CENPU: variants seen among roughly 807,000 people sequenced by gnomAD.
CENPU encodes KSHV latent nuclear antigen interacting protein 1.
Under a neutral mutation model 56.7 loss-of-function variants are expected in CENPU, and 46 were observed. That is an observed-to-expected ratio of 0.81 (90% CI 0.64 to 1.04). The LOEUF is 1.04. Among genes scored for constraint, CENPU ranks in the 50% least tolerant of loss-of-function variants. The probability of loss-of-function intolerance (pLI) is 0.00; values close to 1 mark genes in which losing one functional copy is unlikely to be tolerated. For synonymous variants in CENPU, 166 were observed against 163.0 expected, an observed-to-expected ratio of 1.02 and a Z score of -0.14; for missense variants, 510 against 490.1, an observed-to-expected ratio of 1.04 and a Z score of -0.38.
rs368356572 is a variant in CENPU, at chr4:184,697,894, CG to C, written c.987-92del. On this transcript the variant is annotated intron_variant, in intron 11 of 12. Transcript: ENST00000281453. ...AGTACGCTGAGCGAGTGTGAAGAAC[CG>C]GGGCTGGCCAACTAGATGACTTGCT... 1.0e-3 allele frequency: 915 copies of C among 912,698 alleles called. 2 individuals carry two copies. The highest frequency in any genetic ancestry group is 8.3e-4 in the Non-Finnish European group (516 of 619,808). 56.5% of individuals were successfully genotyped at this position (912,698 alleles called of 1,614,324 possible). A position where few individuals can be genotyped will look rare whatever the true frequency, so the allele number is the denominator to read the frequency against.
At chr4:184,715,393 C>T (rs897338462) in intron 6 of CENPU, among the ~76,000 whole-genome samples, 2 of 145,838 alleles carry the variant, frequency 1.4e-5, no homozygotes, top group Non-Finnish European at 3.0e-5. Flanking sequence ...CTGACTCCAA[C>T]CTCCACCTCC....
intron 5 of CENPU, 49 bp from the exon 6 acceptor site, chr4:184,716,682 T>G: frequency 7.3e-7 from 1 of 1,363,802 alleles, no homozygotes; most frequent in Non-Finnish European, 1.0e-6. Context: ...TAGAAATGCT[T>G]ATAATTCTTA....
Position 184,725,046 on chromosome 4 carries a change from G to T in CENPU, c.231C>A (p.Ser77Arg). Reference protein sequence around the residue: ...TYETFDPPLHSTAIYADEEEF... With the variant: ...TYETFDPPLHRTAIYADEEEF... The stretch of plus-strand genomic sequence containing the variant: ...CTTCTTCATCAGCATATATAGCTGT[G>T]CTATGTAAAGGAGGATCTTTCAAAA... Residue 77 changes from serine to arginine, a missense_variant, in exon 4 of 13, where the codon AGC becomes AGA. Physicochemically the swap from Ser to Arg is moderately radical, Grantham distance 110. Transcript: ENST00000281453. 1 of 1,607,804 alleles carries T rather than the reference G, an allele frequency of 6.2e-7. No homozygotes were observed. The highest frequency in any genetic ancestry group is 8.5e-7 in the Non-Finnish European group (1 of 1,176,672).
intron 12 of CENPU, among the ~76,000 whole-genome samples, chr4:184,696,631 C>T (rs10013685): frequency 0.17 from 25,937 of 151,490 alleles, 2,438 homozygotes; most frequent in African/African-American, 0.24. Flanking sequence ...GTGTCAAAAC[C>T]TTAACATTGA....
intron 2 of CENPU, among the ~76,000 whole-genome samples, chr4:184,730,031 A>G (rs1761584504): frequency 6.6e-6 from 1 of 152,206 alleles, no homozygotes; most frequent in South Asian, 2.1e-4. Context: ...TGGAATGTGG[A>G]GAGAGCTGGC....
At chr4:184,710,839 T>C (rs1209607156) in intron 7 of CENPU, among the ~76,000 whole-genome samples, 1 of 152,186 alleles carries the variant, frequency 6.6e-6, no homozygotes, top group Non-Finnish European at 1.5e-5. Context: ...TTGCAAAGCA[T>C]ACCCTAATTT....
intron 1 of CENPU, among the ~76,000 whole-genome samples, chr4:184,732,842 A>G (rs1761698526): frequency 6.6e-6 from 1 of 152,134 alleles, no homozygotes; most frequent in African/African-American, 2.4e-5. Context: ...TCTTTACTAA[A>G]AATACAAAAA....
chr4:184,732,458 C>A (rs1349987113), intron 1 of CENPU, among the ~76,000 whole-genome samples: 2 of 152,078 alleles, frequency 1.3e-5, no homozygotes. Context: ...GCAGGTAAGA[C>A]AAGTATTGGT....
chr4:184,707,649 C>A (rs1404082751), intron 8 of CENPU, among the ~76,000 whole-genome samples: 1 of 152,186 alleles, frequency 6.6e-6, no homozygotes, highest in Non-Finnish European at 1.5e-5. Flanking sequence ...GCTTACCCCA[C>A]CCCCTGCACT....
intron 1 of CENPU, among the ~76,000 whole-genome samples, chr4:184,731,279 G>A (rs923006553): frequency 5.9e-5 from 9 of 152,184 alleles, no homozygotes; most frequent in African/African-American, 1.9e-4. Context: ...CCCGACACCT[G>A]CTCCATCCGG....
chr4:184,706,138 T>A (rs1430297012), intron 8 of CENPU, among the ~76,000 whole-genome samples: 2 of 148,074 alleles, frequency 1.4e-5, no homozygotes, highest in Non-Finnish European at 3.0e-5. Context: ...AAAATTTACA[T>A]AAGCCCCACT....
chr4:184,707,002 G>C (rs1480786342), intron 8 of CENPU, among the ~76,000 whole-genome samples: 1 of 151,256 alleles, frequency 6.6e-6, no homozygotes, highest in Non-Finnish European at 1.5e-5. Context: ...CTTCCTATAA[G>C]AGATTTGTGA....
chr4:184,722,800 G>T (rs1761325725), intron 4 of CENPU, among the ~76,000 whole-genome samples: 1 of 152,030 alleles, frequency 6.6e-6, no homozygotes, highest in Admixed American at 6.6e-5. Flanking sequence ...TAGAAAATAG[G>T]AAAAAGGATA....
chr4:184,704,965 TAG>T (rs1487165874), intron 8 of CENPU, among the ~76,000 whole-genome samples: 2 of 152,238 alleles, frequency 1.3e-5, no homozygotes, highest in African/African-American at 4.8e-5. Flanking sequence ...GGCAAGGATG[TAG>T]AGAATCTGGA....
rs746486757 is a variant in CENPU, at chr4:184,702,455, A to T, written c.798-14T>A. On this transcript the variant is annotated splice_polypyrimidine_tract_variant and intron_variant, in intron 8 of 12. Coordinates refer to ENST00000281453, the MANE Select transcript of CENPU (RefSeq NM_024629.4). ...TCTATTCTTTGTCTGTAGAGGAATTAAAAAAAAGTCTAAGTACCATGATGG... is the reference window on the plus strand; with the variant it reads ...TCTATTCTTTGTCTGTAGAGGAATTTAAAAAAAGTCTAAGTACCATGATGG... 7.0e-6 allele frequency: 11 copies of T among 1,570,892 alleles called. No individual in the cohort carries two copies. Among genetic ancestry groups the T allele is most frequent in the African/African-American group, 4.1e-5 (3 of 72,906 alleles).
At position 184,725,472 on chromosome 4, in the gene CENPU, A is replaced by AT. The variant is rs370882302; in HGVS notation, c.215-411dup. 8.3e-4 allele frequency among the ~76,000 whole-genome samples: 127 copies of AT among 152,290 alleles called. 2 individuals carry two copies. The East Asian group carries it at 0.021, about 25-fold the overall frequency. Reference sequence around the variant, plus strand: ...AGGCACATGCCACCATGCCCAGCTAATTTTTTAATTATCTGTAGAGACAGG... The same window carrying AT: ...AGGCACATGCCACCATGCCCAGCTAATTTTTTTAATTATCTGTAGAGACAGG... On this transcript the variant is annotated intron_variant, in intron 3 of 12. Transcript: ENST00000281453.
chr4:184,695,778 CAG>C (rs1561124230), intron 12 of CENPU, among the ~76,000 whole-genome samples: 1 of 151,994 alleles, frequency 6.6e-6, no homozygotes, highest in East Asian at 1.9e-4. Flanking sequence ...TTTTAAAACA[CAG>C]AAAACTGTAA....
At chr4:184,718,170 C>A (rs542839261) in intron 4 of CENPU, among the ~76,000 whole-genome samples, 2 of 152,342 alleles carry the variant, frequency 1.3e-5, no homozygotes, top group African/African-American at 4.8e-5. Flanking sequence ...GAGGCCACAG[C>A]TGTGGGCAGT....
intron 8 of CENPU, among the ~76,000 whole-genome samples, chr4:184,704,333 T>C (rs1022070136): frequency 6.6e-6 from 1 of 152,184 alleles, no homozygotes; most frequent in Non-Finnish European, 1.5e-5. Context: ...ACCTTTTCTA[T>C]GTTTAGATAC....
Sources: allele counts gnomAD v4.1 joint callset (sites outside exome capture counted in the v4.1 genomes callset), GRCh38; gene constraint gnomAD v4.1.1; transcripts MANE v1.5; gene names NCBI Gene and HGNC (gene_info 2026-07-23, HGNC 2026-07-21).